Variants in ZNF254 observed in about 807,000 individuals in gnomAD.
The protein encoded by ZNF254 is zinc finger protein 254, also known as CTD-2017D11.1.
In ZNF254, 10 loss-of-function variants were observed where a neutral mutation model predicts 12.4. That is an observed-to-expected ratio of 0.80 (90% CI 0.50 to 1.36). ZNF254 has a LOEUF of 1.36. ZNF254 is among the 40% of genes most tolerant of loss of function. ZNF254 has a pLI of 0.00. For missense variants in ZNF254, 996 were observed against 763.9 expected, an observed-to-expected ratio of 1.30 and a Z score of -3.58; for synonymous variants, 305 against 253.4, an observed-to-expected ratio of 1.20 and a Z score of -1.93.
chr19:24,055,232 A>AAAAAAAAAAAAAAAAAAG lies in ZNF254; in HGVS notation c.-94+8953_-94+8954insAAAAAAAAAAAAAAAAAG, dbSNP rs1555753129. Among the ~76,000 whole-genome samples the AAAAAAAAAAAAAAAAAAG allele has an allele frequency of 2.4e-3, 300 of 122,606 alleles. 27 individuals are homozygous for AAAAAAAAAAAAAAAAAAG. The highest frequency in any genetic ancestry group is 5.6e-3 in the Middle Eastern group (1 of 178). 80.4% of individuals were successfully genotyped at this position (122,606 alleles called of 152,430 possible). On this transcript the variant is annotated intron_variant, in intron 2 of 4. Coordinates refer to the ZNF254 transcript ENST00000613065. ...AAAAAAAAAAAAAAAAAAAAAAAAA[A>AAAAAAAAAAAAAAAAAAG]GAGTGTACTAACAAGACCCAGCACA...
At chr19:24,094,859 A>G (rs1972583456) in intron 1 of ZNF254, among the ~76,000 whole-genome samples, 1 of 151,702 alleles carries the variant, frequency 6.6e-6, no homozygotes. Context: ...GCTAATTTTT[A>G]TATTTTTAGT....
rs556051915 is a variant in ZNF254, at chr19:24,042,961, T to C, written c.-189-3223T>C. Among the ~76,000 whole-genome samples, 8 of 152,344 alleles carry C rather than the reference T, an allele frequency of 5.3e-5. No homozygotes were observed. In the East Asian group the frequency reaches 9.6e-4, roughly 18 times the overall value. On this transcript the variant is annotated intron_variant, in intron 1 of 4. Transcript: ENST00000613065. Reference sequence around the variant, plus strand: ...AGGGATGGATTTCCCAAGTGAGGTTTATAAATTGTCACATTTAATTGAAAA... The same window carrying C: ...AGGGATGGATTTCCCAAGTGAGGTTCATAAATTGTCACATTTAATTGAAAA...
chr19:24,033,533 ACT>A (rs3841261), exon 1 of ZNF254: 47,625 of 270,872 alleles, frequency 0.18, 4,914 homozygotes, highest in Non-Finnish European at 0.22. Flanking sequence ...GCCCCTGGGG[ACT>A]CTGTGACGGC....
chr19:24,091,365 A>C (rs919169708), intron 1 of ZNF254, among the ~76,000 whole-genome samples: 1 of 152,144 alleles, frequency 6.6e-6, no homozygotes, highest in African/African-American at 2.4e-5. Flanking sequence ...CAATGAATAC[A>C]TTTCCACAAA....
intron 2 of ZNF254, among the ~76,000 whole-genome samples, chr19:24,069,423 A>G (rs571933255): frequency 6.7e-6 from 1 of 149,744 alleles, no homozygotes; most frequent in Admixed American, 6.6e-5. Context: ...CCTGGCCAAC[A>G]TGGTGAAACC....
intron 1 of ZNF254, among the ~76,000 whole-genome samples, chr19:24,091,175 C>A (rs1273027591): frequency 5.3e-5 from 8 of 151,856 alleles, no homozygotes; most frequent in Non-Finnish European, 1.0e-4. Context: ...GAACTCCTGA[C>A]CTCGGGTGAT....
chr19:24,102,041 G>A (rs142040743), intron 1 of ZNF254, among the ~76,000 whole-genome samples: 1,715 of 152,258 alleles, frequency 0.011, 16 homozygotes, highest in Non-Finnish European at 0.017. Context: ...AATAGATGAC[G>A]CAGTCATGGT....
intron 2 of ZNF254, among the ~76,000 whole-genome samples, chr19:24,082,128 G>GAA (rs552910479): frequency 8.9e-6 from 1 of 112,284 alleles, no homozygotes; most frequent in Non-Finnish European, 1.9e-5. Flanking sequence ...TGCCTCAAAA[G>GAA]AAAAAAAAAA....
Position 24,126,981 on chromosome 19 carries a change from T to A in ZNF254, c.981T>A (p.Cys327Ter), listed in dbSNP as rs368317443. 6.2e-7 allele frequency: 1 copy of A among 1,613,588 alleles called. No homozygotes were observed. The highest frequency in any genetic ancestry group is 1.3e-5 in the African/African-American group (1 of 74,886). The change falls in exon 4 of 4, where the codon TGT (cysteine) becomes TGA (stop). Residue 327 changes from cysteine (C) to a stop codon, truncating the protein, a stop_gained. Transcript: ENST00000357002. LOFTEE classifies it low-confidence loss of function (END_TRUNC). Reference protein sequence around the residue: ...TRKKPYKCEECGKAFIWSSTL... With the variant: ...TRKKPYKCEE The stretch of plus-strand genomic sequence containing the variant: ...AGAAACCCTACAAGTGTGAAGAATG[T>A]GGCAAAGCATTTATATGGTCCTCAA...
Position 24,126,254 on chromosome 19 carries a change from G to T in ZNF254, c.254G>T (p.Gly85Val), listed in dbSNP as rs138915088. The T allele has an allele frequency of 6.8e-7, 1 of 1,460,718 alleles. No individual in the cohort carries two copies. The highest frequency in any genetic ancestry group is 1.7e-5 in the South Asian group (1 of 59,748). The allele number at this position is 1,460,718 out of a possible 1,614,324, so 90.5% of individuals were successfully genotyped here. A position where few individuals can be genotyped will look rare whatever the true frequency, so the allele number is the denominator to read the frequency against. Residue 85 changes from glycine (G) to valine (V), a missense_variant and splice_region_variant, in exon 4 of 4, where the codon GGT becomes GTT. By Grantham distance (109) the Gly-to-Val change is moderately radical (BLOSUM62 -3). Coordinates refer to ENST00000357002, the MANE Select transcript of ZNF254 (RefSeq NM_203282.4). ...TTATTTATTTTTATTTTTTTTTCAGGTATGTGTCCTCATTTTGCTCAAGAC... is the reference window on the plus strand; with the variant it reads ...TTATTTATTTTTATTTTTTTTTCAGTTATGTGTCCTCATTTTGCTCAAGAC... ...KRHEMVDEPP[G>V]MCPHFAQDLW...
At chr19:24,068,415 C>G (rs1243945647) in intron 2 of ZNF254, among the ~76,000 whole-genome samples, 2 of 152,122 alleles carry the variant, frequency 1.3e-5, no homozygotes. Context: ...GTTCTCCTGC[C>G]TTAGCCTCCC....
At chr19:24,044,897 A>C (rs189622458) in intron 1 of ZNF254, among the ~76,000 whole-genome samples, 44 of 152,308 alleles carry the variant, frequency 2.9e-4, no homozygotes, top group African/African-American at 1.1e-3. Context: ...AAATACCTGA[A>C]CCCTTCTCAG....
intron 1 of ZNF254, among the ~76,000 whole-genome samples, chr19:24,102,071 T>C (rs944180024): frequency 1.3e-5 from 2 of 152,218 alleles, no homozygotes; most frequent in Non-Finnish European, 2.9e-5. Flanking sequence ...GCAGGAACTT[T>C]TAGTCTAGAC....
intron 1 of ZNF254, among the ~76,000 whole-genome samples, chr19:24,093,785 T>C (rs1972526654): frequency 6.6e-6 from 1 of 152,196 alleles, no homozygotes; most frequent in Non-Finnish European, 1.5e-5. Flanking sequence ...TGGTTTTATA[T>C]GAATTTTACA....
At chr19:24,092,781 G>T (rs1972469512) in intron 1 of ZNF254, among the ~76,000 whole-genome samples, 1 of 152,218 alleles carries the variant, frequency 6.6e-6, no homozygotes, top group Admixed American at 6.5e-5. Context: ...CCTTGTGCAT[G>T]TGTGTTTATG....
chr19:24,038,803 TTAC>T (rs1970056289), intron 1 of ZNF254, among the ~76,000 whole-genome samples: 1 of 152,186 alleles, frequency 6.6e-6, no homozygotes, highest in African/African-American at 2.4e-5. Context: ...TCTACGAAAA[TTAC>T]TACAGGGCAA....
intron 1 of ZNF254, among the ~76,000 whole-genome samples, chr19:24,044,200 A>C (rs1424190809): frequency 6.7e-6 from 1 of 148,518 alleles, no homozygotes; most frequent in African/African-American, 2.5e-5. Flanking sequence ...AGATTACACT[A>C]CTGCACTCCA....
chr19:24,109,168 T>C (rs1197170641), intron 3 of ZNF254, among the ~76,000 whole-genome samples: 1 of 152,228 alleles, frequency 6.6e-6, no homozygotes, highest in Non-Finnish European at 1.5e-5. Context: ...AAATAACATG[T>C]ATTTAAAACA....
Position 24,070,103 on chromosome 19 carries a change from C to T in ZNF254, c.-94+23824C>T, listed in dbSNP as rs143362683. 9.2e-5 allele frequency among the ~76,000 whole-genome samples: 14 copies of T among 152,258 alleles called. No individual in the cohort carries two copies. In the East Asian group the frequency reaches 2.7e-3, roughly 29 times the overall value. Reference sequence around the variant, plus strand: ...TTCTAAAGCTACAAATGATGACTCACTTCTAAATGTAGTTCATAGGCAGAT... The same window carrying T: ...TTCTAAAGCTACAAATGATGACTCATTTCTAAATGTAGTTCATAGGCAGAT... On this transcript the variant is annotated intron_variant, in intron 2 of 4. Transcript: ENST00000613065.
Sources: allele counts gnomAD v4.1 joint callset (sites outside exome capture counted in the v4.1 genomes callset), GRCh38; gene constraint gnomAD v4.1.1; transcripts MANE v1.5; gene names NCBI Gene and HGNC (gene_info 2026-07-23, HGNC 2026-07-21).